SYT14: variants seen among roughly 807,000 people sequenced by gnomAD.
SYT14 encodes synaptotagmin 14.
A neutral mutation model predicts 74.2 loss-of-function variants in SYT14; 32 were observed. That is an observed-to-expected ratio of 0.43 (90% CI 0.33 to 0.58). SYT14 has a LOEUF of 0.58. Among genes scored for constraint, SYT14 ranks in the 20% least tolerant of loss-of-function variants. The pLI is 0.05. For synonymous variants in SYT14, 298 were observed against 337.7 expected, an observed-to-expected ratio of 0.88 and a Z score of 1.29; for missense variants, 791 against 981.8, an observed-to-expected ratio of 0.81 and a Z score of 2.60.
At chr1:209,959,435 C>T (rs1252080691) in intron 2 of SYT14, among the ~76,000 whole-genome samples, 3 of 152,194 alleles carry the variant, frequency 2.0e-5, no homozygotes, top group Non-Finnish European at 4.4e-5. Flanking sequence ...TGAGCCACCA[C>T]ACCCGGCCTG....
chr1:210,015,849 T>C (rs2080172510), exon 4 of SYT14: 2 of 1,213,324 alleles, frequency 1.6e-6, no homozygotes, highest in Admixed American at 8.5e-5. Flanking sequence ...GCATAATGTA[T>C]TTACAGAAAG....
In SYT14 at chr1:209,991,638, T is replaced by C. The variant is rs553763921; in HGVS notation, c.-485-21995T>C. Among the ~76,000 whole-genome samples the C allele has an allele frequency of 4.6e-5, 7 of 152,270 alleles. No individual in the cohort carries two copies. The South Asian group carries it at 1.5e-3, about 32-fold the overall frequency. ...TTAAAAAGTCAAATAACATCTAACCTGGCCAATATAGTGAAACCCCATCTC... is the reference window on the plus strand; with the variant it reads ...TTAAAAAGTCAAATAACATCTAACCCGGCCAATATAGTGAAACCCCATCTC... On this transcript the variant is annotated intron_variant, in intron 2 of 9. Transcript: ENST00000637265.
chr1:209,989,467 C>G (rs1259650291), intron 2 of SYT14, among the ~76,000 whole-genome samples: 1 of 152,054 alleles, frequency 6.6e-6, no homozygotes, highest in East Asian at 1.9e-4. Flanking sequence ...TTACATTTAC[C>G]TTAAGGAAAG....
intron 2 of SYT14, among the ~76,000 whole-genome samples, chr1:209,998,395 A>G (rs1245599113): frequency 6.6e-6 from 1 of 152,090 alleles, no homozygotes; most frequent in African/African-American, 2.4e-5. Context: ...CTACACATTC[A>G]GTGCAATCCC....
At chr1:209,978,540 G>A (rs931713215) in intron 2 of SYT14, among the ~76,000 whole-genome samples, 3 of 152,190 alleles carry the variant, frequency 2.0e-5, no homozygotes, top group Non-Finnish European at 4.4e-5. Flanking sequence ...ATCAGCAAAT[G>A]TTGCTGCCTG....
At chr1:209,983,384 A>G (rs954116195) in intron 2 of SYT14, among the ~76,000 whole-genome samples, 6 of 151,676 alleles carry the variant, frequency 4.0e-5, no homozygotes, top group African/African-American at 1.5e-4. Flanking sequence ...CATTATGTTC[A>G]TTTTTCTGCC....
chr1:210,002,850 T>A (rs2079926101), intron 2 of SYT14, among the ~76,000 whole-genome samples: 1 of 152,122 alleles, frequency 6.6e-6, no homozygotes, highest in African/African-American at 2.4e-5. Context: ...TTCCTCCTGA[T>A]TATGTGTTGC....
intron 5 of SYT14, among the ~76,000 whole-genome samples, chr1:210,027,210 G>A (rs1308431639): frequency 2.0e-5 from 3 of 151,902 alleles, no homozygotes; most frequent in Non-Finnish European, 2.9e-5. Flanking sequence ...AAATTATAAG[G>A]GGACTTGGGC....
chr1:210,030,692 T>C (rs1476338873), intron 5 of SYT14, among the ~76,000 whole-genome samples: 1 of 152,162 alleles, frequency 6.6e-6, no homozygotes, highest in Non-Finnish European at 1.5e-5. Flanking sequence ...TTCAGTCTTT[T>C]ATCATTGAGT....
chr1:209,991,042 C>G lies in SYT14; in HGVS notation c.-485-22591C>G, dbSNP rs116643938. ...AATTATACACTGGGGAAAGGACACCCTATTCAGTAAGTGGCGCTAGGAAAA... is the reference window on the plus strand; with the variant it reads ...AATTATACACTGGGGAAAGGACACCGTATTCAGTAAGTGGCGCTAGGAAAA... On this transcript the variant is annotated intron_variant, in intron 2 of 9. Coordinates refer to ENST00000637265, the Ensembl canonical transcript of SYT14. Among the ~76,000 whole-genome samples, 1,515 of 152,240 alleles carry G rather than the reference C, an allele frequency of 1.0e-2. 20 individuals are homozygous for G. The highest frequency in any genetic ancestry group is 0.034 in the African/African-American group (1,402 of 41,544).
In SYT14 at chr1:210,102,557, CT is replaced by C. The variant is rs536550137; in HGVS notation, c.2034+2099del. On this transcript the variant is annotated intron_variant, in intron 7 of 9. Transcript: ENST00000637265. ...CTCCCTGCTTAAGTTTTAATATTAA[CT>C]TTGTGGGGAGATCTTGTAATTGCAG... Among the ~76,000 whole-genome samples, 15 of 152,132 alleles carry C rather than the reference CT, an allele frequency of 9.9e-5. 2 individuals are homozygous for C. The South Asian group carries it at 2.9e-3, about 29-fold the overall frequency.
intron 5 of SYT14, among the ~76,000 whole-genome samples, chr1:210,083,473 CA>C (rs1258921865): frequency 2.4e-4 from 36 of 152,212 alleles, no homozygotes; most frequent in African/African-American, 8.4e-4. Context: ...AGTGTAGTGG[CA>C]CAATCATAGC....
chr1:210,146,042 G>C (rs2083026068), intron 7 of SYT14, among the ~76,000 whole-genome samples: 1 of 152,058 alleles, frequency 6.6e-6, no homozygotes, highest in South Asian at 2.1e-4. Context: ...CCTTCAGTAA[G>C]ATAAAAACAG....
intron 7 of SYT14, among the ~76,000 whole-genome samples, chr1:210,147,815 A>G (rs1302639943): frequency 6.6e-6 from 1 of 152,142 alleles, no homozygotes; most frequent in South Asian, 2.1e-4. Context: ...GGGTCAAGGT[A>G]TAAGGCTCAT....
chr1:209,949,599 G>T lies in SYT14; in HGVS notation c.-533-3110G>T, dbSNP rs369908688. Among the ~76,000 whole-genome samples the T allele has an allele frequency of 6.2e-4, 93 of 151,050 alleles. 5 individuals carry two copies. The South Asian group carries it at 0.019, about 31-fold the overall frequency. ...AAAAAAAAAAAAACACTCAATTTCA[G>T]TTTCCAATAATGTAATAAATTTATA... On this transcript the variant is annotated intron_variant, in intron 1 of 9. Transcript: ENST00000637265.
At chr1:210,078,036 C>A (rs183507110) in intron 5 of SYT14, among the ~76,000 whole-genome samples, 47 of 152,238 alleles carry the variant, frequency 3.1e-4, no homozygotes, top group African/African-American at 1.1e-3. Context: ...CTAGGCCGGG[C>A]GCGGTGGCTC....
At chr1:209,997,290 A>G (rs1355821942) in intron 2 of SYT14, among the ~76,000 whole-genome samples, 1 of 152,192 alleles carries the variant, frequency 6.6e-6, no homozygotes, top group African/African-American at 2.4e-5. Flanking sequence ...ATATGAAATC[A>G]GTGTACAAAA....
intron 5 of SYT14, among the ~76,000 whole-genome samples, chr1:210,068,875 A>G (rs1334395099): frequency 6.6e-6 from 1 of 151,542 alleles, no homozygotes; most frequent in East Asian, 1.9e-4. Flanking sequence ...TGCTTACTTC[A>G]TTGTTTTTCA....
intron 5 of SYT14, among the ~76,000 whole-genome samples, chr1:210,068,492 T>C (rs750396927): frequency 2.0e-5 from 3 of 151,790 alleles, no homozygotes; most frequent in Non-Finnish European, 4.4e-5. Flanking sequence ...ATCTGTTCTC[T>C]GTTTGGTAGA....
Sources: allele counts gnomAD v4.1 joint callset (sites outside exome capture counted in the v4.1 genomes callset), GRCh38; gene constraint gnomAD v4.1.1; transcripts MANE v1.5; gene names NCBI Gene and HGNC (gene_info 2026-07-23, HGNC 2026-07-21).